C3AR1: variants seen among roughly 807,000 people sequenced by gnomAD.
The protein encoded by C3AR1 is complement C3a receptor 1, also known as C3a anaphylatoxin chemotactic receptor.
For synonymous variants in C3AR1, 208 were observed against 225.3 expected (o/e 0.92, Z 0.69); for missense variants, 579 against 583.5 (o/e 0.99, Z 0.08).
At chr12:8,062,062 A>G (rs753499780) in intron 1 of C3AR1, among the ~76,000 whole-genome samples, 1 of 152,308 alleles carries the variant, frequency 6.6e-6, no homozygotes, top group East Asian at 1.9e-4. Context: ...CACTTAGCAT[A>G]ATGTCTTCAA....
chr12:8,065,388 C>A (rs1227119028), intron 1 of C3AR1, among the ~76,000 whole-genome samples: 2 of 152,066 alleles, frequency 1.3e-5, no homozygotes, highest in African/African-American at 4.8e-5. Flanking sequence ...TGGTGGCTCA[C>A]GCCTGTAATC....
rs1010451100 is a variant in C3AR1, at chr12:8,059,738, C to G, written c.448G>C (p.Ala150Pro). Residue 150 changes from alanine (A) to proline (P), a missense_variant, in exon 2 of 2, where the codon GCT (alanine) becomes CCT (proline). Coordinates refer to ENST00000307637, the MANE Select transcript of C3AR1 (RefSeq NM_004054.4). ...AACACAGGAATGCACATCACAAAAGCCACCACCCAGATACATCCACAGATA... is the reference window on the plus strand; with the variant it reads ...AACACAGGAATGCACATCACAAAAGGCACCACCCAGATACATCCACAGATA... The part of the protein sequence containing the change: ...CSICGCIWVV[A>P]FVMCIPVFVY... 6.2e-7 allele frequency: 1 copy of G among 1,614,018 alleles called. No individual in the cohort carries two copies. Among genetic ancestry groups the G allele is most frequent in the African/African-American group, 1.3e-5 (1 of 74,906 alleles).
chr12:8,063,754 C>T (rs1230926031), intron 1 of C3AR1, among the ~76,000 whole-genome samples: 1 of 151,894 alleles, frequency 6.6e-6, no homozygotes, highest in Admixed American at 6.6e-5. Context: ...TAACATAATG[C>T]CTTATGAGAC....
intron 1 of C3AR1, among the ~76,000 whole-genome samples, chr12:8,065,941 G>A (rs924780005): frequency 1.5e-4 from 23 of 151,886 alleles, no homozygotes; most frequent in Admixed American, 3.9e-4. Flanking sequence ...AAAGAAAGAG[G>A]AAATGGAAAG....
At position 8,058,614 on chromosome 12, in the gene C3AR1, G is replaced by T; in HGVS notation, c.*123C>A. 1 of 1,092,464 alleles carries T rather than the reference G, an allele frequency of 9.2e-7. No homozygotes were observed. 67.7% of individuals were successfully genotyped at this position (1,092,464 alleles called of 1,614,324 possible). ...TGTCAATAGTCTGTGTACCGTTTGA[G>T]AACCGCTGGATTGATTCTTTGACAG... On this transcript the variant is annotated 3_prime_UTR_variant, in exon 2 of 2. Coordinates refer to ENST00000307637, the MANE Select transcript of C3AR1 (RefSeq NM_004054.4).
chr12:8,059,926 T>C lies in C3AR1; in HGVS notation c.260A>G (p.Gln87Arg), dbSNP rs780077304. ...GCATAGGAACCTGCCGTAGGGCCACTGTCCCTGGAGAGCCAAGTGAGCCAG... is the reference window on the plus strand; with the variant it reads ...GCATAGGAACCTGCCGTAGGGCCACCGTCCCTGGAGAGCCAAGTGAGCCAG... ...FSLAHLALQG[Q>R]WPYGRFLCKL... Residue 87 changes from glutamine to arginine, a missense_variant, in exon 2 of 2, where the codon CAG becomes CGG. Gln to Arg is a conservative substitution (Grantham distance 43). Transcript: ENST00000307637. The C allele has an allele frequency of 3.8e-5, 61 of 1,614,052 alleles. No individual in the cohort carries two copies. Among genetic ancestry groups the C allele is most frequent in the Non-Finnish European group, 4.6e-5 (54 of 1,180,044 alleles).
Position 8,058,726 on chromosome 12 carries a change from G to C in C3AR1, c.*11C>G, listed in dbSNP as rs200126940. 1 of 1,585,922 alleles carries C rather than the reference G, an allele frequency of 6.3e-7. No homozygotes were observed. Among genetic ancestry groups the C allele is most frequent in the Non-Finnish European group, 8.6e-7 (1 of 1,164,222 alleles). ...GCCTAAGAGCCCCTGCTTGTTGGCTGCTCCACATTTTCACACAGTTGTACT... is the reference window on the plus strand; with the variant it reads ...GCCTAAGAGCCCCTGCTTGTTGGCTCCTCCACATTTTCACACAGTTGTACT... On this transcript the variant is annotated 3_prime_UTR_variant, in exon 2 of 2. Transcript: ENST00000307637.
At chr12:8,060,423 C>T (rs1290648791) in intron 1 of C3AR1, among the ~76,000 whole-genome samples, 1 of 152,156 alleles carries the variant, frequency 6.6e-6, no homozygotes, top group African/African-American at 2.4e-5. Flanking sequence ...CAGACAGAGT[C>T]TTCCTCTGTC....
chr12:8,058,635 G>A lies in C3AR1; in HGVS notation c.*102C>T. ...TTGAGAACCGCTGGATTGATTCTTT[G>A]ACAGTTTTTGAAGTCCGCTGCTCAC... On this transcript the variant is annotated 3_prime_UTR_variant, in exon 2 of 2. Transcript: ENST00000307637. 7.8e-7 allele frequency: 1 copy of A among 1,277,728 alleles called. No homozygotes were observed. The highest frequency in any genetic ancestry group is 1.1e-6 in the Non-Finnish European group (1 of 918,780). The allele number at this position is 1,277,728 out of a possible 1,614,324, so 79.1% of individuals were successfully genotyped here.
intron 1 of C3AR1, among the ~76,000 whole-genome samples, chr12:8,062,891 C>T (rs1026082199): frequency 6.6e-6 from 1 of 151,412 alleles, no homozygotes; most frequent in African/African-American, 2.4e-5. Flanking sequence ...TCAGGCGATC[C>T]GCCCGCCTCG....
rs768427252 is a variant in C3AR1 at position 8,059,771 on chromosome 12, C to T, written c.415G>A (p.Ala139Thr). ...WCQNHRNVGM[A>T]CSICGCIWVV... The stretch of plus-strand genomic sequence containing the variant: ...CAGATACATCCACAGATAGAGCAGG[C>T]CATCCCTACATTGCGATGATTCTGA... The change falls in exon 2 of 2, where the codon GCC becomes ACC. Residue 139 changes from alanine to threonine, a missense_variant. By Grantham distance (58) the Ala-to-Thr change is moderately conservative (BLOSUM62 0). Coordinates refer to ENST00000307637, the MANE Select transcript of C3AR1 (RefSeq NM_004054.4). The T allele has an allele frequency of 1.9e-6, 3 of 1,613,976 alleles. No individual in the cohort carries two copies. Among genetic ancestry groups the T allele is most frequent in the East Asian group, 4.5e-5 (2 of 44,896 alleles).
intron 1 of C3AR1, among the ~76,000 whole-genome samples, chr12:8,061,487 G>T (rs1478059953): frequency 6.6e-6 from 1 of 151,816 alleles, no homozygotes; most frequent in Non-Finnish European, 1.5e-5. Flanking sequence ...TTTTGAGACA[G>T]AATCTCCCTC....
chr12:8,065,653 C>CAAAAAAAAAA (rs753950088), intron 1 of C3AR1, among the ~76,000 whole-genome samples: 1 of 72,332 alleles, frequency 1.4e-5, no homozygotes, highest in Non-Finnish European at 2.7e-5. Context: ...GACTCTGTCT[C>CAAAAAAAAAA]AAAAAAAAAA....
chr12:8,062,247 C>A (rs1471541629), intron 1 of C3AR1, among the ~76,000 whole-genome samples: 1 of 152,166 alleles, frequency 6.6e-6, no homozygotes, highest in African/African-American at 2.4e-5. Flanking sequence ...GGTGTAAATA[C>A]ATATTTTTTA....
At chr12:8,062,876 C>T (rs1308277108) in intron 1 of C3AR1, among the ~76,000 whole-genome samples, 1 of 150,628 alleles carries the variant, frequency 6.6e-6, no homozygotes, top group Non-Finnish European at 1.5e-5. Flanking sequence ...GTTGATCTCC[C>T]GACCTCAGGC....
Position 8,060,047 on chromosome 12 carries a change from C to T in C3AR1, c.139G>A (p.Val47Met), listed in dbSNP as rs1947258308. The change falls in exon 2 of 2, where the codon GTG becomes ATG. Residue 47 changes from valine to methionine, a missense_variant. By Grantham distance (21) the Val-to-Met change is conservative. Coordinates refer to ENST00000307637, the MANE Select transcript of C3AR1 (RefSeq NM_004054.4). Reference protein sequence around the residue: ...GLPGNGLVLWVAGLKMQRTVN... With the variant: ...GLPGNGLVLWMAGLKMQRTVN... ...GTCCGCTGCATCTTCAGGCCAGCCA[C>T]CCACAGCACCAGCCCATTGCCTGGC... The T allele has an allele frequency of 6.2e-7, 1 of 1,613,958 alleles. No individual in the cohort carries two copies.
rs748098469 is a variant in C3AR1 at position 8,057,053 on chromosome 12, T to A, written c.*1684A>T. ...GTAGTCCAGACCCTCACCTCAGCCA[T>A]TGAACAGATAGTGTCTTGCAGGTCT... On this transcript the variant is annotated 3_prime_UTR_variant, in exon 2 of 2. Transcript: ENST00000307637. Among the ~76,000 whole-genome samples the A allele has an allele frequency of 6.6e-6, 1 of 152,218 alleles. No homozygotes were observed. Among genetic ancestry groups the A allele is most frequent in the African/African-American group, 2.4e-5 (1 of 41,452 alleles).
rs1311165331 is a variant in C3AR1, at chr12:8,057,008, A to G, written c.*1729T>C. Reference sequence around the variant, plus strand: ...TCCTAGTGATTTGTAATTTTTCTGCATATACTTTATAAAAAATCTGTAGTC... The same window carrying G: ...TCCTAGTGATTTGTAATTTTTCTGCGTATACTTTATAAAAAATCTGTAGTC... On this transcript the variant is annotated 3_prime_UTR_variant, in exon 2 of 2. Coordinates refer to ENST00000307637, the MANE Select transcript of C3AR1 (RefSeq NM_004054.4). Among the ~76,000 whole-genome samples, 3 of 152,232 alleles carry G rather than the reference A, an allele frequency of 2.0e-5. No individual in the cohort carries two copies. The highest frequency in any genetic ancestry group is 2.1e-4 in the South Asian group (1 of 4,830).
chr12:8,064,115 C>T (rs1047236324), intron 1 of C3AR1, among the ~76,000 whole-genome samples: 1 of 151,896 alleles, frequency 6.6e-6, no homozygotes, highest in African/African-American at 2.4e-5. Flanking sequence ...AGATGGATGC[C>T]CATTTTGGGG....
Sources: gnomAD v4.1 joint callset for allele counts (sites outside exome capture counted in the v4.1 genomes callset) on GRCh38, gnomAD v4.1.1 for gene constraint, MANE v1.5 for transcripts, NCBI Gene and HGNC (gene_info 2026-07-23, HGNC 2026-07-21) for gene names.